Variants in AP3B1 observed in about 807,000 individuals in gnomAD.
AP3B1 encodes AP-3 complex subunit beta-1.
A neutral mutation model predicts 132.5 loss-of-function variants in AP3B1; 61 were observed. That is an observed-to-expected ratio of 0.46 (90% CI 0.37 to 0.57). The LOEUF is 0.57. Ranked by LOEUF, AP3B1 falls within the 20% of genes least tolerant of loss-of-function variation. The pLI is 0.00. For missense variants in AP3B1, 1,120 were observed against 1,289.4 expected (o/e 0.87, Z 2.01); for synonymous variants, 388 against 438.3 (o/e 0.89, Z 1.43).
At chr5:78,072,670 A>ATATTCCC (rs1749588488) in intron 22 of AP3B1, among the ~76,000 whole-genome samples, 3 of 143,526 alleles carry the variant, frequency 2.1e-5, no homozygotes. Context: ...GTATATAATT[A>ATATTCCC]TATTCCCTGA....
chr5:78,233,940 G>A (rs531782002), intron 3 of AP3B1, among the ~76,000 whole-genome samples: 1 of 152,102 alleles, frequency 6.6e-6, no homozygotes, highest in African/African-American at 2.4e-5. Context: ...CTTCCCCTAA[G>A]AGCATCTGAA....
intron 2 of AP3B1, among the ~76,000 whole-genome samples, chr5:78,267,049 A>G (rs1470015458): frequency 6.6e-6 from 1 of 152,108 alleles, no homozygotes; most frequent in Admixed American, 6.6e-5. Context: ...CTTATATTTA[A>G]TAATATTTAT....
chr5:78,034,290 G>T, intron 24 of AP3B1, 71 bp downstream of exon 24: 1 of 1,192,384 alleles, frequency 8.4e-7, no homozygotes, highest in South Asian at 1.2e-5. Context: ...CACAAAAGCT[G>T]TTGAAAGCTT....
chr5:78,089,074 A>G (rs2112201117), intron 22 of AP3B1: 1 of 194,558 alleles, frequency 5.1e-6, no homozygotes, highest in Middle Eastern at 2.2e-3. Context: ...CTGTTAATGT[A>G]GACAACTTTT....
In AP3B1 at chr5:78,114,045, A is replaced by C. The variant is rs962870634; in HGVS notation, c.2078-122T>G. The C allele has an allele frequency of 1.5e-5, 16 of 1,074,120 alleles. No individual in the cohort carries two copies. In the South Asian group the frequency reaches 2.2e-4, roughly 15 times the overall value. The allele number at this position is 1,074,120 out of a possible 1,614,324, so 66.5% of individuals were successfully genotyped here. On this transcript the variant is annotated intron_variant, in intron 18 of 26. Transcript: ENST00000255194. Reference sequence around the variant, plus strand: ...GTTGAATTTTAGTTCAGTGGACACCACTTGTTTAACATTTTATTCCCACAC... The same window carrying C: ...GTTGAATTTTAGTTCAGTGGACACCCCTTGTTTAACATTTTATTCCCACAC...
At chr5:78,257,339 A>C (rs1431286447) in intron 2 of AP3B1, among the ~76,000 whole-genome samples, 1 of 152,226 alleles carries the variant, frequency 6.6e-6, no homozygotes, top group Non-Finnish European at 1.5e-5. Context: ...ATACAAAATC[A>C]ACATACCAAA....
chr5:78,060,995 A>G (rs1749028183), intron 22 of AP3B1, among the ~76,000 whole-genome samples: 1 of 152,236 alleles, frequency 6.6e-6, no homozygotes, highest in Non-Finnish European at 1.5e-5. Context: ...TGCTCAGATC[A>G]TCACACTACC....
At chr5:78,080,623 ATT>A (rs66609184) in intron 22 of AP3B1, among the ~76,000 whole-genome samples, 117 of 103,506 alleles carry the variant, frequency 1.1e-3, no homozygotes, top group African/African-American at 3.4e-3. Flanking sequence ...TATGCCTCCA[ATT>A]TTTTTTTTTT....
rs1421984612 is a variant in AP3B1, at chr5:78,170,344, A to G, written c.1168-4672T>C. Among the ~76,000 whole-genome samples, 3 of 152,210 alleles carry G rather than the reference A, an allele frequency of 2.0e-5. No homozygotes were observed. The East Asian group carries it at 5.8e-4, about 29-fold the overall frequency. ...GAGGAATCACCACACTGTCTTCCAC[A>G]ATGGTTGAACTAGTTTACAGTCCCA... On this transcript the variant is annotated intron_variant, in intron 11 of 26. Transcript: ENST00000255194.
At chr5:78,269,367 A>G (rs1268190642) in intron 1 of AP3B1, among the ~76,000 whole-genome samples, 1 of 152,152 alleles carries the variant, frequency 6.6e-6, no homozygotes, top group Non-Finnish European at 1.5e-5. Flanking sequence ...CATGTTCAAA[A>G]TAGGCCAGTT....
chr5:78,029,120 A>G (rs1051941915), intron 24 of AP3B1, among the ~76,000 whole-genome samples: 1 of 152,144 alleles, frequency 6.6e-6, no homozygotes, highest in Non-Finnish European at 1.5e-5. Flanking sequence ...TTAAACCTGT[A>G]TGTATCTATA....
At chr5:78,020,904 T>C in intron 24 of AP3B1, 115 bp from the exon 25 acceptor site, 1 of 853,058 alleles carries the variant, frequency 1.2e-6, no homozygotes, top group East Asian at 2.7e-5. Flanking sequence ...TAAGACCTTT[T>C]TGGTTTAAAC....
intron 7 of AP3B1, among the ~76,000 whole-genome samples, chr5:78,205,965 T>C (rs1319069251): frequency 1.3e-5 from 2 of 152,148 alleles, no homozygotes; most frequent in Admixed American, 1.3e-4. Flanking sequence ...TTGGTGTTTC[T>C]GAAGGACATC....
intron 17 of AP3B1, 23 bp from the exon 18 acceptor site, chr5:78,116,257 T>G: frequency 6.4e-7 from 1 of 1,564,656 alleles, no homozygotes. Flanking sequence ...ATAAAGTAAA[T>G]ATAAATGAAT....
intron 7 of AP3B1, among the ~76,000 whole-genome samples, chr5:78,202,552 AGTGTGTGTGTGTGTGTGTGT>A (rs36209977): frequency 1.7e-3 from 249 of 146,150 alleles, no homozygotes; most frequent in African/African-American, 6.0e-3. Flanking sequence ...CCATATATTC[AGTGTGTGTGTGTGTGTGTGT>A]GTGTGTGTGT....
intron 25 of AP3B1, among the ~76,000 whole-genome samples, chr5:78,019,523 A>C (rs1747002778): frequency 6.6e-6 from 1 of 152,176 alleles, no homozygotes; most frequent in Non-Finnish European, 1.5e-5. Context: ...GCAAAGGGTA[A>C]GAATAGCAAA....
chr5:78,035,822 C>T (rs538871008), intron 23 of AP3B1, among the ~76,000 whole-genome samples: 2 of 152,200 alleles, frequency 1.3e-5, no homozygotes, highest in South Asian at 4.1e-4. Context: ...AGCAAACAGG[C>T]TTTACTGTAG....
At chr5:78,133,908 A>G (rs909102326) in intron 15 of AP3B1, among the ~76,000 whole-genome samples, 2 of 152,258 alleles carry the variant, frequency 1.3e-5, no homozygotes, top group Middle Eastern at 3.4e-3. Context: ...AGTCACTGTG[A>G]CACAGGAAAA....
At chr5:78,056,435 G>A (rs1046140261) in intron 22 of AP3B1, among the ~76,000 whole-genome samples, 1 of 152,194 alleles carries the variant, frequency 6.6e-6, no homozygotes, top group African/African-American at 2.4e-5. Flanking sequence ...TTAGTAAATT[G>A]AGTTTTCAGC....
Sources: allele counts gnomAD v4.1 joint callset (sites outside exome capture counted in the v4.1 genomes callset), GRCh38; gene constraint gnomAD v4.1.1; transcripts MANE v1.5; gene names NCBI Gene and HGNC (gene_info 2026-07-23, HGNC 2026-07-21).